Variants in ERBIN observed in about 807,000 individuals in gnomAD.
ERBIN encodes the protein erbb2 interacting protein, also known as densin-180-like protein.
ERBIN carries 60 observed loss-of-function variants against 158.4 expected under a neutral mutation model. The observed-to-expected ratio is 0.38, with a 90% CI of 0.31 to 0.47. ERBIN has a LOEUF of 0.47. Among genes scored for constraint, ERBIN ranks in the 20% least tolerant of loss-of-function variants. The pLI, the probability that ERBIN is intolerant of heterozygous loss-of-function variation, is 0.99. For synonymous variants in ERBIN, 594 were observed against 557.2 expected (o/e 1.07, Z -0.93); for missense variants, 1,610 against 1,648.0 (o/e 0.98, Z 0.40).
intron 16 of ERBIN, among the ~76,000 whole-genome samples, chr5:66,043,924 T>C (rs112455642): frequency 1.3e-5 from 2 of 152,200 alleles, no homozygotes; most frequent in Admixed American, 6.5e-5. Context: ...GATAAAACTT[T>C]TAAAACATTG....
At chr5:65,983,561 G>A (rs1012145077) in intron 1 of ERBIN, among the ~76,000 whole-genome samples, 1 of 152,118 alleles carries the variant, frequency 6.6e-6, no homozygotes, top group African/African-American at 2.4e-5. Flanking sequence ...ATACAGATTA[G>A]CAACATTGTG....
At chr5:65,994,717 T>C in intron 3 of ERBIN, 30 bp from the exon 4 acceptor site, 1 of 1,231,324 alleles carries the variant, frequency 8.1e-7, no homozygotes, top group Non-Finnish European at 1.2e-6. Context: ...ATGTATATAA[T>C]TGACATTCTT....
Position 66,079,443 on chromosome 5 carries a change from T to G in ERBIN, c.*913T>G, listed in dbSNP as rs552579307. 1 of 152,706 alleles carries G rather than the reference T, an allele frequency of 6.5e-6. No homozygotes were observed. 9.5% of individuals were successfully genotyped at this position (152,706 alleles called of 1,614,324 possible). On this transcript the variant is annotated 3_prime_UTR_variant, in exon 26 of 26. Transcript: ENST00000284037. ...ATTAGTGCTCCATTTAAATCTAATT[T>G]ATAATTTTTATTTTAAGCAGCAAAT...
In ERBIN at chr5:65,998,214, C is replaced by G. The variant is rs116779465; in HGVS notation, c.307+3350C>G. On this transcript the variant is annotated intron_variant, in intron 4 of 25. Coordinates refer to ENST00000284037, the MANE Select transcript of ERBIN (RefSeq NM_001253697.2). ...CTGTACTCTAGCTTGGGCGACACAGCAAGACTCTCAAAAAAAAATATATAT... is the reference window on the plus strand; with the variant it reads ...CTGTACTCTAGCTTGGGCGACACAGGAAGACTCTCAAAAAAAAATATATAT... Among the ~76,000 whole-genome samples, 937 of 148,044 alleles carry G rather than the reference C, an allele frequency of 6.3e-3. 16 individuals are homozygous for G. Among genetic ancestry groups the G allele is most frequent in the African/African-American group, 0.023 (899 of 39,574 alleles).
chr5:65,958,145 C>T (rs1268212406), intron 1 of ERBIN, among the ~76,000 whole-genome samples: 2 of 148,342 alleles, frequency 1.3e-5, no homozygotes, highest in African/African-American at 5.0e-5. Flanking sequence ...ACTGGGCAGC[C>T]GGGCAGAGGG....
chr5:66,062,885 G>C (rs1760569300), intron 21 of ERBIN, among the ~76,000 whole-genome samples: 1 of 152,212 alleles, frequency 6.6e-6, no homozygotes, highest in Admixed American at 6.5e-5. Flanking sequence ...GCTGCTGCCT[G>C]ATCATTCCTC....
intron 1 of ERBIN, among the ~76,000 whole-genome samples, chr5:65,963,165 A>G (rs1748108879): frequency 6.6e-6 from 1 of 152,240 alleles, no homozygotes; most frequent in Non-Finnish European, 1.5e-5. Context: ...TTGCATAACA[A>G]TAATTCTCAT....
At chr5:65,928,820 T>C (rs1324599649) in intron 1 of ERBIN, among the ~76,000 whole-genome samples, 1 of 152,200 alleles carries the variant, frequency 6.6e-6, no homozygotes, top group East Asian at 1.9e-4. Context: ...TTTTCGAAGC[T>C]TTGTTTAAAC....
intron 20 of ERBIN, among the ~76,000 whole-genome samples, chr5:66,052,177 A>G (rs1034053769): frequency 6.6e-6 from 1 of 151,408 alleles, no homozygotes; most frequent in African/African-American, 2.4e-5. Context: ...AGCATGGGTA[A>G]CAGAATTGAG....
rs551599369 is a variant in ERBIN at position 66,015,705 on chromosome 5, C to T, written c.533+980C>T. Among the ~76,000 whole-genome samples, 11 of 152,212 alleles carry T rather than the reference C, an allele frequency of 7.2e-5. No homozygotes were observed. In the South Asian group the frequency reaches 2.1e-3, roughly 29 times the overall value. On this transcript the variant is annotated intron_variant, in intron 7 of 25. Coordinates refer to ENST00000284037, the MANE Select transcript of ERBIN (RefSeq NM_001253697.2). ...TTAAAAAATTAGCCGGGCACAGCAG[C>T]ATGTAACTATAGTCCCAGCTACTCT...
intron 21 of ERBIN, among the ~76,000 whole-genome samples, chr5:66,059,308 G>A (rs1272811744): frequency 6.6e-6 from 1 of 152,096 alleles, no homozygotes; most frequent in Admixed American, 6.5e-5. Context: ...AATTGTGAAT[G>A]GGAGTTCACT....
In ERBIN at chr5:66,026,485, G is replaced by A. The variant is rs534658990; in HGVS notation, c.1136+68G>A. 186 of 790,006 alleles carry A rather than the reference G, an allele frequency of 2.4e-4. No homozygotes were observed. In the East Asian group the frequency reaches 5.1e-3, roughly 22 times the overall value. The allele number at this position is 790,006 out of a possible 1,614,324, so 48.9% of individuals were successfully genotyped here. A position where few individuals can be genotyped will look rare whatever the true frequency, so the allele number is the denominator to read the frequency against. On this transcript the variant is annotated intron_variant, in intron 13 of 25. Coordinates refer to ENST00000284037, the MANE Select transcript of ERBIN (RefSeq NM_001253697.2). ...GGTTAGATGAAATTAAGTTTCATAT[G>A]ATATATAATAGAATAGCTAGTGCTT...
intron 1 of ERBIN, among the ~76,000 whole-genome samples, chr5:65,959,012 G>A (rs1747619263): frequency 6.6e-6 from 1 of 152,088 alleles, no homozygotes; most frequent in Non-Finnish European, 1.5e-5. Flanking sequence ...AAGACAAGGA[G>A]CATCTGTACT....
chr5:66,078,735 A>G lies in ERBIN; in HGVS notation c.*205A>G, dbSNP rs1290651159. On this transcript the variant is annotated 3_prime_UTR_variant, in exon 26 of 26. Coordinates refer to ENST00000284037, the MANE Select transcript of ERBIN (RefSeq NM_001253697.2). ...TAAAGGAGACTGTTGAATTCATACC[A>G]TATAAAACTTGTTAGGTTTTTAAAC... 1 of 510,526 alleles carries G rather than the reference A, an allele frequency of 2.0e-6. No individual in the cohort carries two copies. Among genetic ancestry groups the G allele is most frequent in the African/African-American group, 2.0e-5 (1 of 49,138 alleles). The allele number at this position is 510,526 out of a possible 1,614,324, so 31.6% of individuals were successfully genotyped here.
At chr5:66,015,160 A>T (rs1754584730) in intron 7 of ERBIN, among the ~76,000 whole-genome samples, 1 of 152,132 alleles carries the variant, frequency 6.6e-6, no homozygotes, top group Non-Finnish European at 1.5e-5. Context: ...AAATGCGATG[A>T]TTGGTTCCCT....
intron 21 of ERBIN, among the ~76,000 whole-genome samples, chr5:66,071,676 G>GA (rs11365733): frequency 6.7e-6 from 1 of 149,310 alleles, no homozygotes; most frequent in Non-Finnish European, 1.5e-5. Context: ...AAATTTAGGG[G>GA]AAAAAAATCC....
chr5:66,042,480 C>T (rs564143117), intron 15 of ERBIN, among the ~76,000 whole-genome samples: 71 of 151,942 alleles, frequency 4.7e-4, no homozygotes, highest in Non-Finnish European at 7.8e-4. Context: ...AGTTGAGCCT[C>T]CCTAACCCAA....
intron 20 of ERBIN, among the ~76,000 whole-genome samples, chr5:66,051,265 AAGG>A (rs1006390543): frequency 1.3e-4 from 20 of 152,146 alleles, no homozygotes; most frequent in African/African-American, 4.6e-4. Context: ...TTTAAGTTGA[AAGG>A]AGTATTTTTA....
chr5:65,965,439 T>C (rs1748489801), intron 1 of ERBIN, among the ~76,000 whole-genome samples: 1 of 142,650 alleles, frequency 7.0e-6, no homozygotes, highest in Non-Finnish European at 1.5e-5. Flanking sequence ...GGAGTCTCAC[T>C]CTGTTGCCCG....
Sources: allele counts gnomAD v4.1 joint callset (sites outside exome capture counted in the v4.1 genomes callset), GRCh38; gene constraint gnomAD v4.1.1; transcripts MANE v1.5; gene names NCBI Gene and HGNC (gene_info 2026-07-23, HGNC 2026-07-21).